Variants in SDK2 observed in about 807,000 individuals in gnomAD.
SDK2 encodes sidekick cell adhesion molecule 2.
SDK2 carries 105 observed loss-of-function variants against 253.9 expected under a neutral mutation model. That is an observed-to-expected ratio of 0.41 (90% CI 0.35 to 0.49). SDK2 has a LOEUF of 0.49. SDK2 is among the 20% of genes least tolerant of loss of function. SDK2 has a pLI of 0.06. For missense variants in SDK2, 2,608 were observed against 3,003.0 expected, an observed-to-expected ratio of 0.87 and a Z score of 3.07; for synonymous variants, 1,249 against 1,234.9, an observed-to-expected ratio of 1.01 and a Z score of -0.24.
Position 73,435,570 on chromosome 17 carries a change from G to T in SDK2, c.1075C>A (p.Gln359Lys). ...VEVEKLTRFRQRNDGGLQISG... is the reference protein window; with the variant it reads ...VEVEKLTRFRKRNDGGLQISG... Reference sequence around the variant, plus strand: ...ATCTGCAGGCCCCCGTCGTTGCGCTGCCGGAAGCGGGTCAACTTCTCCACC... The same window carrying T: ...ATCTGCAGGCCCCCGTCGTTGCGCTTCCGGAAGCGGGTCAACTTCTCCACC... The change falls in exon 9 of 45, where the codon CAG becomes AAG. Residue 359 changes from glutamine to lysine, a missense_variant. Around this residue, in one of 2 missense-constraint regions of SDK2, gnomAD observed 1,505 missense variants for 1,859.1 expected, o/e 0.81. Coordinates refer to ENST00000392650, the MANE Select transcript of SDK2 (RefSeq NM_001144952.2). The surrounding 1 kb of genome is among the most constrained non-coding windows in gnomAD (Gnocchi z 5.7). The T allele has an allele frequency of 6.3e-7, 1 of 1,584,446 alleles. No homozygotes were observed. The highest frequency in any genetic ancestry group is 8.6e-7 in the Non-Finnish European group (1 of 1,165,494).
At chr17:73,394,404 C>A in intron 25 of SDK2, 80 bp from the exon 26 acceptor site, 1 of 862,062 alleles carries the variant, frequency 1.2e-6, no homozygotes, top group Non-Finnish European at 1.6e-6. Flanking sequence ...GGACAGGGGG[C>A]CGAGGGAGGG....
At position 73,643,457 on chromosome 17, in the gene SDK2, C is replaced by G. The variant is rs956098158; in HGVS notation, c.64+568G>C. On this transcript the variant is annotated intron_variant, in intron 1 of 44. Transcript: ENST00000392650. This position sits in a 1 kb window ranked among gnomAD's most constrained non-coding sequence, Gnocchi z 6.9. ...TCCAGGCCCGCGCAGCGAAGCACCCCCAGCCCCAGCGGCTGGCCGAGCAGC... is the reference window on the plus strand; with the variant it reads ...TCCAGGCCCGCGCAGCGAAGCACCCGCAGCCCCAGCGGCTGGCCGAGCAGC... Among the ~76,000 whole-genome samples the G allele has an allele frequency of 6.6e-6, 1 of 152,172 alleles. No individual in the cohort carries two copies. Among genetic ancestry groups the G allele is most frequent in the Non-Finnish European group, 1.5e-5 (1 of 68,008 alleles).
intron 32 of SDK2, 84 bp downstream of exon 32, chr17:73,385,763 C>A: frequency 3.1e-6 from 4 of 1,294,898 alleles, no homozygotes; most frequent in Non-Finnish European, 4.4e-6. Context: ...CTCCACGCAG[C>A]CCTGGTGGGG....
chr17:73,353,989 C>T (rs796136450), intron 40 of SDK2, among the ~76,000 whole-genome samples: 4 of 152,210 alleles, frequency 2.6e-5, no homozygotes, highest in African/African-American at 9.6e-5. Context: ...GTGTGAGCCA[C>T]CATGCCCGGT....
chr17:73,358,925 C>T (rs115292154), intron 39 of SDK2, among the ~76,000 whole-genome samples: 1,587 of 152,038 alleles, frequency 0.01, 22 homozygotes, highest in South Asian at 0.053. Flanking sequence ...GTGAGGGAGC[C>T]GGCCCTAGGA....
At position 73,415,980 on chromosome 17, in the gene SDK2, G is replaced by C; in HGVS notation, c.2199C>G (p.Ala733=). 6.2e-7 allele frequency: 1 copy of C among 1,610,438 alleles called. No homozygotes were observed. Among genetic ancestry groups the C allele is most frequent in the African/African-American group, 1.3e-5 (1 of 75,004 alleles). Residue 733 remains alanine (A), a synonymous_variant, in exon 17 of 45, where the codon GCC becomes GCG. Transcript: ENST00000392650. ...LKGYIIRYCL[A]GLPVGYQFKN... ...TAAACTGGTACCCCACGGGCAGCCC[G>C]GCCAGGCAGTACCTGAGGGGAAGAG...
At chr17:73,480,795 C>T (rs527264596) in intron 2 of SDK2, among the ~76,000 whole-genome samples, 1 of 152,122 alleles carries the variant, frequency 6.6e-6, no homozygotes, top group African/African-American at 2.4e-5. Flanking sequence ...GCCCTCTCCC[C>T]ATGTAGGACA....
chr17:73,593,350 A>G (rs573726237), intron 1 of SDK2, among the ~76,000 whole-genome samples: 1 of 152,292 alleles, frequency 6.6e-6, no homozygotes, highest in South Asian at 2.1e-4. Context: ...AAGGAGCCTC[A>G]GCACCCACTC....
At chr17:73,474,294 C>T (rs977025404) in intron 2 of SDK2, among the ~76,000 whole-genome samples, 2 of 152,242 alleles carry the variant, frequency 1.3e-5, no homozygotes, top group African/African-American at 4.8e-5. Flanking sequence ...ACTAACCCTA[C>T]TAGCACCTTC....
intron 1 of SDK2, among the ~76,000 whole-genome samples, chr17:73,619,708 GA>G (rs924164423): frequency 5.9e-4 from 89 of 149,928 alleles, no homozygotes; most frequent in African/African-American, 1.8e-3. Context: ...GATGACAAAA[GA>G]AAAAAAAATG....
chr17:73,452,959 T>C (rs908600273), intron 4 of SDK2, among the ~76,000 whole-genome samples: 1 of 152,174 alleles, frequency 6.6e-6, no homozygotes, highest in African/African-American at 2.4e-5. Flanking sequence ...CTGGTTTTAT[T>C]GAGCATTAAG....
chr17:73,466,460 G>A (rs187309736), intron 3 of SDK2, among the ~76,000 whole-genome samples: 1 of 152,232 alleles, frequency 6.6e-6, no homozygotes, highest in Non-Finnish European at 1.5e-5. Context: ...GAGGTGAGTC[G>A]GGATTTAAAG....
chr17:73,589,035 C>T (rs1442686138), intron 1 of SDK2, among the ~76,000 whole-genome samples: 2 of 152,394 alleles, frequency 1.3e-5, no homozygotes, highest in Middle Eastern at 3.4e-3. Context: ...TGTGATGCCA[C>T]GTACTTGACC....
intron 1 of SDK2, among the ~76,000 whole-genome samples, chr17:73,625,981 C>T (rs1017367210): frequency 3.9e-5 from 6 of 152,136 alleles, no homozygotes; most frequent in Non-Finnish European, 7.3e-5. Context: ...CAAAAGATGC[C>T]GCTGGTCCTG....
At chr17:73,353,653 C>G (rs2062558836) in intron 40 of SDK2, among the ~76,000 whole-genome samples, 1 of 151,570 alleles carries the variant, frequency 6.6e-6, no homozygotes, top group African/African-American at 2.4e-5. Context: ...CCTACCTCAG[C>G]CTCCCAAAGT....
intron 1 of SDK2, among the ~76,000 whole-genome samples, chr17:73,545,443 C>T (rs186980764): frequency 1.1e-3 from 167 of 152,204 alleles, no homozygotes; most frequent in African/African-American, 3.6e-3. Context: ...TGAGAGACAC[C>T]GGTGGTAGGG....
At chr17:73,610,090 T>C (rs2045954902) in intron 1 of SDK2, among the ~76,000 whole-genome samples, 1 of 152,106 alleles carries the variant, frequency 6.6e-6, no homozygotes, top group Non-Finnish European at 1.5e-5. Context: ...TCCACGTCCC[T>C]GGGGAGATGA....
Position 73,496,406 on chromosome 17 carries a change from G to T in SDK2, c.224+11032C>A, listed in dbSNP as rs1003797067. Among the ~76,000 whole-genome samples, 1 of 152,186 alleles carries T rather than the reference G, an allele frequency of 6.6e-6. No homozygotes were observed. The highest frequency in any genetic ancestry group is 1.5e-5 in the Non-Finnish European group (1 of 68,038). ...GATCTGGGAAGATAAACAACGGTTTGCCAGGTAGCAGAGGCGTGCGAGGAC... is the reference window on the plus strand; with the variant it reads ...GATCTGGGAAGATAAACAACGGTTTTCCAGGTAGCAGAGGCGTGCGAGGAC... On this transcript the variant is annotated intron_variant, in intron 2 of 44. Transcript: ENST00000392650. The surrounding 1 kb of genome is among the most constrained non-coding windows in gnomAD (Gnocchi z 4.7).
intron 3 of SDK2, among the ~76,000 whole-genome samples, chr17:73,468,780 T>C (rs910167853): frequency 6.6e-6 from 1 of 150,664 alleles, no homozygotes; most frequent in Non-Finnish European, 1.5e-5. Flanking sequence ...CCGCCTTGGC[T>C]TCTCAAAGTG....
Sources: gnomAD v4.1 joint callset for allele counts (sites outside exome capture counted in the v4.1 genomes callset) on GRCh38, gnomAD v4.1.1 for gene constraint, gnomAD v4.1.1 regional missense constraint, Gnocchi (gnomAD v3.1) non-coding constraint, MANE v1.5 for transcripts, NCBI Gene and HGNC (gene_info 2026-07-23, HGNC 2026-07-21) for gene names.